The following XKR3 variants were observed in gnomAD, a reference collection of about 807,000 sequenced individuals.
The protein encoded by XKR3 is XK related 3.
Under a neutral mutation model 40.3 loss-of-function variants are expected in XKR3, and 27 were observed. The ratio of observed to expected loss-of-function variants is 0.67; its 90% CI spans 0.49 to 0.92. The LOEUF (loss-of-function observed/expected upper bound fraction) is 0.92. XKR3 is among the 40% of genes least tolerant of loss of function. The probability of loss-of-function intolerance (pLI) is 0.00; values close to 1 mark genes in which losing one functional copy is unlikely to be tolerated. For missense variants in XKR3, 472 were observed against 537.6 expected (o/e 0.88, Z 1.21); for synonymous variants, 193 against 195.4 (o/e 0.99, Z 0.10).
At chr22:16,793,169 C>T (rs1465410370) in intron 3 of XKR3, among the ~76,000 whole-genome samples, 20 of 152,180 alleles carry the variant, frequency 1.3e-4, no homozygotes, top group African/African-American at 4.1e-4. Context: ...TGCTCCACCA[C>T]GCCCGGTTAA....
chr22:16,806,279 G>GGAAAAAGTCAAT (rs2060189166), intron 2 of XKR3, among the ~76,000 whole-genome samples: 1 of 116,716 alleles, frequency 8.6e-6, no homozygotes, highest in African/African-American at 3.2e-5. Context: ...AAAGAAAAAA[G>GGAAAAAGTCAAT]TCAATTAATC....
At chr22:16,813,256 C>G (rs2060220175) in intron 1 of XKR3, among the ~76,000 whole-genome samples, 1 of 151,910 alleles carries the variant, frequency 6.6e-6, no homozygotes, top group Admixed American at 6.6e-5. Context: ...TGCACTCCAG[C>G]CTGGGCGGCA....
chr22:16,795,047 A>G (rs2060134841), intron 3 of XKR3, among the ~76,000 whole-genome samples: 1 of 152,218 alleles, frequency 6.6e-6, no homozygotes, highest in Non-Finnish European at 1.5e-5. Flanking sequence ...ACTTGACCAA[A>G]TGGAACTAAC....
intron 1 of XKR3, among the ~76,000 whole-genome samples, chr22:16,821,011 C>A (rs887900): frequency 6.6e-6 from 1 of 151,788 alleles, no homozygotes. Context: ...CTAAGACAAA[C>A]AAGATATATG....
intron 3 of XKR3, among the ~76,000 whole-genome samples, chr22:16,792,396 G>A (rs1387270465): frequency 5.9e-5 from 9 of 152,278 alleles, no homozygotes; most frequent in East Asian, 1.9e-4. Flanking sequence ...AGATCTGTGC[G>A]TACAATGAAA....
Position 16,783,870 on chromosome 22 carries a change from A to T in XKR3, c.1129T>A (p.Leu377Ile), listed in dbSNP as rs1276322279. ...CTTATGATGAGCTGCACGGCAATTA[A>T]TGAGTCACAACAATTCAGCAAAGTT... Reference protein sequence around the residue: ...GKTLLNCCDSLIAVQLIISYL... With the variant: ...GKTLLNCCDSIIAVQLIISYL... Residue 377 changes from leucine (L) to isoleucine (I), a missense_variant, in exon 4 of 4, where the codon TTA becomes ATA. Coordinates refer to ENST00000684488, the MANE Select transcript of XKR3 (RefSeq NM_001386955.1). The T allele has an allele frequency of 6.2e-7, 1 of 1,614,072 alleles. No homozygotes were observed. Among genetic ancestry groups the T allele is most frequent in the Admixed American group, 1.7e-5 (1 of 60,002 alleles).
chr22:16,812,367 T>A (rs2060216430), intron 1 of XKR3, among the ~76,000 whole-genome samples: 1 of 152,088 alleles, frequency 6.6e-6, no homozygotes, highest in African/African-American at 2.4e-5. Context: ...TCACATAGTA[T>A]AACATTAGCC....
In XKR3 at chr22:16,807,371, T is replaced by C. The variant is rs140523347; in HGVS notation, c.335+368A>G. The stretch of plus-strand genomic sequence containing the variant: ...TAAAATTTATGAGATTATTTTCAAG[T>C]CTTTCTCTCTTCTCACTCACTCTAC... On this transcript the variant is annotated intron_variant, in intron 2 of 3. Transcript: ENST00000684488. 3.5e-3 allele frequency among the ~76,000 whole-genome samples: 530 copies of C among 152,320 alleles called. 3 individuals carry two copies. The highest frequency in any genetic ancestry group is 0.019 in the East Asian group (101 of 5,186).
chr22:16,820,491 T>C (rs994179298), intron 1 of XKR3, among the ~76,000 whole-genome samples: 1 of 152,174 alleles, frequency 6.6e-6, no homozygotes, highest in Admixed American at 6.5e-5. Flanking sequence ...GATTCCTTCA[T>C]ATTTAACATG....
At chr22:16,801,979 T>TA (rs915809777) in intron 2 of XKR3, among the ~76,000 whole-genome samples, 1 of 152,182 alleles carries the variant, frequency 6.6e-6, no homozygotes, top group Non-Finnish European at 1.5e-5. Context: ...TTAAAATTTA[T>TA]AAAAAATCAT....
Position 16,806,285 on chromosome 22 carries a change from T to TC in XKR3, c.335+1453_335+1454insG, listed in dbSNP as rs577426359. Among the ~76,000 whole-genome samples the TC allele has an allele frequency of 4.7e-3, 499 of 105,120 alleles. 3 individuals are homozygous for TC. Among genetic ancestry groups the TC allele is most frequent in the East Asian group, 0.026 (95 of 3,710 alleles). 69.0% of individuals were successfully genotyped at this position (105,120 alleles called of 152,430 possible). A position where few individuals can be genotyped will look rare whatever the true frequency, so the allele number is the denominator to read the frequency against. ...CAAAAAAAAAAAGAAAAAAGTCAATTAATCAATACTTTCTTATTTAGCTCG... is the reference window on the plus strand; with the variant it reads ...CAAAAAAAAAAAGAAAAAAGTCAATTCAATCAATACTTTCTTATTTAGCTCG... On this transcript the variant is annotated intron_variant, in intron 2 of 3. Coordinates refer to ENST00000684488, the MANE Select transcript of XKR3 (RefSeq NM_001386955.1).
intron 3 of XKR3, among the ~76,000 whole-genome samples, chr22:16,796,457 A>C (rs1156643121): frequency 2.6e-5 from 4 of 152,200 alleles, no homozygotes; most frequent in Admixed American, 2.0e-4. Context: ...AAAATCCTTA[A>C]CAAAATCTCA....
At chr22:16,799,574 A>C (rs2060158762) in intron 3 of XKR3, among the ~76,000 whole-genome samples, 197 bp downstream of exon 3, 1 of 152,010 alleles carries the variant, frequency 6.6e-6, no homozygotes, top group Non-Finnish European at 1.5e-5. Flanking sequence ...CTAACTTTTA[A>C]TTATATTAAA....
chr22:16,801,102 T>C (rs1176001566), intron 2 of XKR3, among the ~76,000 whole-genome samples: 1 of 152,190 alleles, frequency 6.6e-6, no homozygotes, highest in Non-Finnish European at 1.5e-5. Context: ...AAGCCTACAC[T>C]TCTGATCAGA....
At chr22:16,818,610 T>C (rs1472557643) in intron 1 of XKR3, among the ~76,000 whole-genome samples, 2 of 152,078 alleles carry the variant, frequency 1.3e-5, no homozygotes, top group East Asian at 1.9e-4. Context: ...AACTACTACT[T>C]CAGTTTCTCT....
At chr22:16,809,662 C>A (rs1480213147) in intron 1 of XKR3, among the ~76,000 whole-genome samples, 1 of 152,198 alleles carries the variant, frequency 6.6e-6, no homozygotes, top group African/African-American at 2.4e-5. Flanking sequence ...TTGAACATTC[C>A]ACTTACCTTA....
rs1049014028 is a variant in XKR3, at chr22:16,795,322, A to G, written c.589+4449T>C. Among the ~76,000 whole-genome samples the G allele has an allele frequency of 4.6e-5, 7 of 152,228 alleles. No individual in the cohort carries two copies. The East Asian group carries it at 1.3e-3, about 29-fold the overall frequency. On this transcript the variant is annotated intron_variant, in intron 3 of 3. Transcript: ENST00000684488. Reference sequence around the variant, plus strand: ...GAATAACTCCCAGGTGAATATAAAAATTAAGGCAGAAATTAAAATAATTAT... The same window carrying G: ...GAATAACTCCCAGGTGAATATAAAAGTTAAGGCAGAAATTAAAATAATTAT...
In XKR3 at chr22:16,800,424, C is replaced by T. The variant is rs142934591; in HGVS notation, c.336-400G>A. 1.2e-4 allele frequency among the ~76,000 whole-genome samples: 18 copies of T among 152,298 alleles called. No homozygotes were observed. The East Asian group carries it at 2.1e-3, about 18-fold the overall frequency. ...TTTCTCCAGAAACATACTATTCTGA[C>T]AACTTTTTAAAGACATCAATGTTTT... On this transcript the variant is annotated intron_variant, in intron 2 of 3. Coordinates refer to ENST00000684488, the MANE Select transcript of XKR3 (RefSeq NM_001386955.1).
intron 3 of XKR3, among the ~76,000 whole-genome samples, chr22:16,785,099 C>T (rs1487067516): frequency 1.3e-5 from 2 of 152,012 alleles, no homozygotes; most frequent in African/African-American, 2.4e-5. Flanking sequence ...GGGCGGATCA[C>T]GAGGTCAGGA....
Sources: allele counts gnomAD v4.1 joint callset (sites outside exome capture counted in the v4.1 genomes callset), GRCh38; gene constraint gnomAD v4.1.1; transcripts MANE v1.5; gene names NCBI Gene and HGNC (gene_info 2026-07-23, HGNC 2026-07-21).